SCHIP1: variants seen among roughly 807,000 people sequenced by gnomAD.
The protein encoded by SCHIP1 is schwannomin-interacting protein 1.
A neutral mutation model predicts 29.7 loss-of-function variants in SCHIP1; 8 were observed. The ratio of observed to expected loss-of-function variants is 0.27; its 90% CI spans 0.16 to 0.49. The LOEUF is 0.49. Ranked by LOEUF, SCHIP1 falls within the 20% of genes least tolerant of loss-of-function variation. The pLI is 0.99. For missense variants in SCHIP1, 193 were observed against 294.6 expected (o/e 0.66, Z 2.52); for synonymous variants, 76 against 94.9 (o/e 0.80, Z 1.16).
the SCHIP1 span, among the ~76,000 whole-genome samples, chr3:159,723,896 C>T: frequency 1.3e-5 from 2 of 152,326 alleles, no homozygotes; most frequent in East Asian, 1.9e-4. Context: ...AAGCTTGAGG[C>T]TGAATCTTCA....
At chr3:159,702,204 G>C in the SCHIP1 span, among the ~76,000 whole-genome samples, 1 of 152,106 alleles carries the variant, frequency 6.6e-6, no homozygotes. Context: ...TCTCCAGTTG[G>C]CATAGTGTAA....
chr3:159,601,970 C>A, the SCHIP1 span, among the ~76,000 whole-genome samples: 1 of 152,184 alleles, frequency 6.6e-6, no homozygotes, highest in African/African-American at 2.4e-5. Flanking sequence ...CTGCCATACC[C>A]GTTTAGGTCT....
rs1174813762 is a variant in SCHIP1, at chr3:159,887,963, T to G, written c.465+58T>G. The G allele has an allele frequency of 3.1e-6, 5 of 1,595,518 alleles. No homozygotes were observed. The African/African-American group carries it at 6.7e-5, about 21-fold the overall frequency. ...TTTGGGAGCCAGAAATGGTTGACAC[T>G]GTCCCAGTCCTTTCCCAGAATTATG... On this transcript the variant is annotated intron_variant, in intron 4 of 6. Coordinates refer to ENST00000445224, the Ensembl canonical transcript of SCHIP1.
At chr3:159,714,790 C>A in the SCHIP1 span, among the ~76,000 whole-genome samples, 1 of 152,236 alleles carries the variant, frequency 6.6e-6, no homozygotes, top group East Asian at 1.9e-4. Context: ...AGGAGGCCCA[C>A]CTGCCTCTGT....
the SCHIP1 span, among the ~76,000 whole-genome samples, chr3:159,694,537 CAAGAAAGAAAGAAAGAAAGAAAGAAAGA>C: frequency 8.1e-3 from 965 of 119,454 alleles, 9 homozygotes; most frequent in African/African-American, 0.02. Flanking sequence ...AAAGAAAAGA[CAAGAAAGAAAGAAAGAAAGAAAGAAAGA>C]AAGAAAGAAA....
At chr3:159,524,800 C>G in the SCHIP1 span, among the ~76,000 whole-genome samples, 1 of 152,198 alleles carries the variant, frequency 6.6e-6, no homozygotes, top group Non-Finnish European at 1.5e-5. Context: ...TCAGTAAGCT[C>G]ATTAGCCATT....
the SCHIP1 span, among the ~76,000 whole-genome samples, chr3:159,473,533 A>G: frequency 6.6e-6 from 1 of 151,958 alleles, no homozygotes; most frequent in Non-Finnish European, 1.5e-5. Flanking sequence ...CCTTTGGGAA[A>G]TCCTATTAAT....
At chr3:159,529,183 A>C in the SCHIP1 span, among the ~76,000 whole-genome samples, 11 of 152,240 alleles carry the variant, frequency 7.2e-5, no homozygotes, top group Admixed American at 1.3e-4. Context: ...GTAAAGGGAT[A>C]TCTAAATGGG....
At chr3:159,717,400 A>G in the SCHIP1 span, among the ~76,000 whole-genome samples, 1 of 152,220 alleles carries the variant, frequency 6.6e-6, no homozygotes, top group Non-Finnish European at 1.5e-5. Flanking sequence ...ACTGAAGGAG[A>G]TAGAGACAAA....
the SCHIP1 span, among the ~76,000 whole-genome samples, chr3:159,407,503 T>C: frequency 3.3e-5 from 5 of 152,158 alleles, no homozygotes. Context: ...CAAAGAAACA[T>C]TGGACTTAAT....
the SCHIP1 span, among the ~76,000 whole-genome samples, chr3:159,655,489 C>T: frequency 8.5e-5 from 13 of 152,208 alleles, no homozygotes; most frequent in South Asian, 2.1e-3. Flanking sequence ...TTAGCTCTCT[C>T]GGGTAGGACA....
At chr3:159,713,244 GAAAGA>G in the SCHIP1 span, among the ~76,000 whole-genome samples, 3 of 121,216 alleles carry the variant, frequency 2.5e-5, no homozygotes, top group East Asian at 7.3e-4. Flanking sequence ...AAGAAAGAAA[GAAAGA>G]AAGAAAGAAA....
the SCHIP1 span, among the ~76,000 whole-genome samples, chr3:159,768,126 TGACACCA>T: frequency 9.9e-4 from 151 of 152,306 alleles, 2 homozygotes; most frequent in South Asian, 0.023. Flanking sequence ...TTCTTTCTTG[TGACACCA>T]GACTAGTTCC....
chr3:159,409,670 G>A, the SCHIP1 span, among the ~76,000 whole-genome samples: 25 of 152,006 alleles, frequency 1.6e-4, no homozygotes, highest in Admixed American at 6.6e-4. Flanking sequence ...CCATGTTCAC[G>A]GAATAGAAGA....
At chr3:159,574,346 T>C in the SCHIP1 span, among the ~76,000 whole-genome samples, 4 of 152,214 alleles carry the variant, frequency 2.6e-5, no homozygotes, top group African/African-American at 9.6e-5. Flanking sequence ...TCTGTTAGTT[T>C]TCCTTCTAAC....
the SCHIP1 span, among the ~76,000 whole-genome samples, chr3:159,526,773 C>T: frequency 6.6e-6 from 1 of 152,204 alleles, no homozygotes; most frequent in Non-Finnish European, 1.5e-5. Flanking sequence ...TTGTGGCAAT[C>T]TGCATTAGCT....
At chr3:159,765,024 A>G in the SCHIP1 span, 1 of 1,540,516 alleles carries the variant, frequency 6.5e-7, no homozygotes, top group Non-Finnish European at 8.7e-7. Flanking sequence ...GCGTCCCCGA[A>G]GAGCCCCCGG....
chr3:159,513,700 A>G, the SCHIP1 span, among the ~76,000 whole-genome samples: 2 of 152,210 alleles, frequency 1.3e-5, no homozygotes, highest in Admixed American at 6.5e-5. Flanking sequence ...AATTGCTCCA[A>G]ATAGCACTCT....
chr3:159,886,595 CTA>C (rs2109438417), intron 3 of SCHIP1: 1 of 305,666 alleles, frequency 3.3e-6, no homozygotes, highest in Non-Finnish European at 6.2e-6. Context: ...AACCCTGTCT[CTA>C]TAAAAAAATA....
Sources: gnomAD v4.1 joint callset for allele counts (sites outside exome capture counted in the v4.1 genomes callset) on GRCh38, gnomAD v4.1.1 for gene constraint, MANE v1.5 for transcripts, NCBI Gene and HGNC (gene_info 2026-07-23, HGNC 2026-07-21) for gene names.